Variants in PSD2 observed in about 807,000 individuals in gnomAD.
The protein encoded by PSD2 is PH and SEC7 domain-containing protein 2.
PSD2 carries 38 observed loss-of-function variants against 69.8 expected under a neutral mutation model. The ratio of observed to expected loss-of-function variants is 0.54; its 90% CI spans 0.42 to 0.71. The LOEUF is 0.71. PSD2 is among the 30% of genes least tolerant of loss of function. The pLI is 0.00. For missense variants in PSD2, 943 were observed against 1,014.5 expected (o/e 0.93, Z 0.96); for synonymous variants, 412 against 423.0 (o/e 0.97, Z 0.32).
intron 1 of PSD2, among the ~76,000 whole-genome samples, chr5:139,807,681 C>G (rs1224841915): frequency 2.0e-5 from 3 of 152,182 alleles, no homozygotes; most frequent in African/African-American, 7.2e-5. Context: ...CTGTTCTACT[C>G]TCCTCTTTTC....
chr5:139,755,851 C>A, the PSD2 span, among the ~76,000 whole-genome samples: 1 of 151,826 alleles, frequency 6.6e-6, no homozygotes, highest in Non-Finnish European at 1.5e-5. Context: ...GGACTAGCGT[C>A]GGCACAAAAT....
At chr5:139,755,630 C>T in the PSD2 span, among the ~76,000 whole-genome samples, 4 of 116,116 alleles carry the variant, frequency 3.4e-5, no homozygotes, top group Non-Finnish European at 1.7e-5. Flanking sequence ...ATCTCTGCGG[C>T]CCTGCTGTGT....
At chr5:139,769,274 G>A in the PSD2 span, among the ~76,000 whole-genome samples, 2 of 152,088 alleles carry the variant, frequency 1.3e-5, no homozygotes, top group South Asian at 2.1e-4. Context: ...AGCAGGTGGC[G>A]GCGGGGGTTG....
chr5:139,758,526 G>GGCTCT, the PSD2 span, among the ~76,000 whole-genome samples: 1 of 152,114 alleles, frequency 6.6e-6, no homozygotes, highest in East Asian at 1.9e-4. Context: ...CTTCAGGGCA[G>GGCTCT]GAAGTCACCT....
At chr5:139,773,356 G>A in the PSD2 span, among the ~76,000 whole-genome samples, 2 of 151,892 alleles carry the variant, frequency 1.3e-5, no homozygotes, top group South Asian at 4.2e-4. Context: ...TTGAATTCCT[G>A]GGCTCAAGGA....
chr5:139,756,227 C>G, the PSD2 span, among the ~76,000 whole-genome samples: 1 of 152,204 alleles, frequency 6.6e-6, no homozygotes, highest in Non-Finnish European at 1.5e-5. Flanking sequence ...ACTGCCGCTG[C>G]GCCCCCCCTT....
At chr5:139,821,047 C>T (rs1184249087) in intron 5 of PSD2, among the ~76,000 whole-genome samples, 1 of 152,136 alleles carries the variant, frequency 6.6e-6, no homozygotes, top group Non-Finnish European at 1.5e-5. Flanking sequence ...ATTCTCTTGC[C>T]TCAACCTCCT....
At chr5:139,838,327 G>A (rs573771480) in intron 12 of PSD2, among the ~76,000 whole-genome samples, 1 of 152,216 alleles carries the variant, frequency 6.6e-6, no homozygotes, top group South Asian at 2.1e-4. Context: ...TGCCTCTGAT[G>A]ATCCCCAGTC....
At chr5:139,789,871 G>C in the PSD2 span, among the ~76,000 whole-genome samples, 1 of 152,244 alleles carries the variant, frequency 6.6e-6, no homozygotes, top group East Asian at 1.9e-4. Context: ...GATGAAGGAG[G>C]GGGTAGAATT....
chr5:139,785,917 T>C, the PSD2 span, among the ~76,000 whole-genome samples: 1 of 152,124 alleles, frequency 6.6e-6, no homozygotes, highest in Non-Finnish European at 1.5e-5. Flanking sequence ...AGGGAGACCT[T>C]GTCTCTACAA....
At chr5:139,766,924 C>T in the PSD2 span, among the ~76,000 whole-genome samples, 2,439 of 33,100 alleles carry the variant, frequency 0.074, 321 homozygotes, top group Admixed American at 0.14. Context: ...TTCCTTCCTT[C>T]CTTCCCTTCT....
At chr5:139,753,834 GTTTGT>G in the PSD2 span, among the ~76,000 whole-genome samples, 4 of 147,668 alleles carry the variant, frequency 2.7e-5, no homozygotes, top group African/African-American at 1.0e-4. Flanking sequence ...TTTTTTGTTT[GTTTGT>G]TTTGTTTTGT....
chr5:139,753,996 C>T, the PSD2 span, among the ~76,000 whole-genome samples: 2 of 152,268 alleles, frequency 1.3e-5, no homozygotes, highest in East Asian at 1.9e-4. Flanking sequence ...GCCACCACAC[C>T]GTGCTAATTT....
In PSD2 at chr5:139,844,067, A is replaced by T. The variant is rs950617371; in HGVS notation, c.*1593A>T. The T allele has an allele frequency of 1.3e-5, 2 of 152,240 alleles. No individual in the cohort carries two copies. Among genetic ancestry groups the T allele is most frequent in the Admixed American group, 6.5e-5 (1 of 15,288 alleles). The allele number at this position is 152,240 out of a possible 1,614,324, so 9.4% of individuals were successfully genotyped here. On this transcript the variant is annotated 3_prime_UTR_variant, in exon 15 of 15. Transcript: ENST00000274710. ...CTGAAGTGTGTTTTAGACCCAAACC[A>T]TCTGGCCCCTTCGTTTTGCTCAGAG...
At chr5:139,835,852 C>A in intron 9 of PSD2, 86 bp downstream of exon 9, 1 of 1,306,122 alleles carries the variant, frequency 7.7e-7, no homozygotes, top group Non-Finnish European at 1.1e-6. Flanking sequence ...ATTCTGACCA[C>A]TCTCCATGGT....
the PSD2 span, among the ~76,000 whole-genome samples, chr5:139,754,268 A>C: frequency 4.1e-3 from 619 of 152,328 alleles, 10 homozygotes; most frequent in African/African-American, 0.014. Flanking sequence ...CATCTCTACA[A>C]AAAATTTTAA....
At chr5:139,748,909 G>T in the PSD2 span, among the ~76,000 whole-genome samples, 3 of 152,108 alleles carry the variant, frequency 2.0e-5, no homozygotes, top group Admixed American at 1.3e-4. Flanking sequence ...GGGTATGTTG[G>T]GGGGGGTGAA....
At chr5:139,813,799 G>T in intron 3 of PSD2, 41 bp downstream of exon 3, 1 of 1,526,598 alleles carries the variant, frequency 6.6e-7, no homozygotes, top group East Asian at 2.3e-5. Context: ...CGAGCAGATG[G>T]GGAAACTGAG....
chr5:139,749,575 G>C, the PSD2 span, among the ~76,000 whole-genome samples: 1 of 152,220 alleles, frequency 6.6e-6, no homozygotes, highest in Non-Finnish European at 1.5e-5. Flanking sequence ...CGTACCAAGA[G>C]TGAAGCTTGG....
Sources: allele counts gnomAD v4.1 joint callset (sites outside exome capture counted in the v4.1 genomes callset), GRCh38; gene constraint gnomAD v4.1.1; transcripts MANE v1.5; gene names NCBI Gene and HGNC (gene_info 2026-07-23, HGNC 2026-07-21).